The following PRR16 variants were observed in gnomAD, a reference collection of about 807,000 sequenced individuals.
PRR16 encodes the protein proline rich 16, also known as protein Largen.
PRR16 carries 6 observed loss-of-function variants against 18.2 expected under a neutral mutation model. The observed-to-expected ratio is 0.33, with a 90% CI of 0.18 to 0.65. The LOEUF (loss-of-function observed/expected upper bound fraction) is 0.65, where lower values mean the gene tolerates loss of function less well. Ranked by LOEUF, PRR16 falls within the 30% of genes least tolerant of loss-of-function variation. The pLI, the probability that PRR16 is intolerant of heterozygous loss-of-function variation, is 0.74. For missense variants in PRR16, 412 were observed against 376.6 expected (o/e 1.09, Z -0.78); for synonymous variants, 151 against 147.8 (o/e 1.02, Z -0.16).
chr5:120,725,303 T>G, the PRR16 span, among the ~76,000 whole-genome samples: 1 of 11,574 alleles, frequency 8.6e-5, no homozygotes, highest in East Asian at 4.2e-4. Context: ...TTTGATGTTG[T>G]TTTTTTTTTT....
chr5:120,686,007 G>T lies in PRR16; in HGVS notation c.213G>T (p.Met71Ile). 6.2e-7 allele frequency: 1 copy of T among 1,614,078 alleles called. No homozygotes were observed. The highest frequency in any genetic ancestry group is 1.1e-5 in the South Asian group (1 of 91,048). Residue 71 changes from methionine to isoleucine, a missense_variant, in exon 2 of 2, where the codon ATG becomes ATT. Coordinates refer to ENST00000407149, the MANE Select transcript of PRR16 (RefSeq NM_001300783.2). ...LTSDLQLEDE[M>I]TDSSKTDTLN... is the part of the protein sequence containing the mutation. ...CTGACCTACAGCTGGAGGATGAGAT[G>T]ACTGACAGCTCCAAAACGGACACGC...
At chr5:120,755,524 T>A in the PRR16 span, among the ~76,000 whole-genome samples, 1 of 152,110 alleles carries the variant, frequency 6.6e-6, no homozygotes, top group East Asian at 1.9e-4. Flanking sequence ...AGGATAATGA[T>A]CTCTAGCTGT....
chr5:120,608,140 A>G, intron 1 of PRR16, among the ~76,000 whole-genome samples: 1 of 152,166 alleles, frequency 6.6e-6, no homozygotes, highest in Non-Finnish European at 1.5e-5. Context: ...TTTCCTGATA[A>G]TATACCCAGC....
At chr5:120,782,067 A>C in the PRR16 span, among the ~76,000 whole-genome samples, 192 of 152,284 alleles carry the variant, frequency 1.3e-3, no homozygotes, top group African/African-American at 4.4e-3. Context: ...TCTTTCATGC[A>C]CATTGTTCTT....
intron 1 of PRR16, among the ~76,000 whole-genome samples, chr5:120,484,617 A>G (rs1250731432): frequency 2.1e-5 from 3 of 146,242 alleles, no homozygotes; most frequent in African/African-American, 4.9e-5. Context: ...TTATACATAT[A>G]TTGTATATAC....
At chr5:120,773,939 A>G in the PRR16 span, among the ~76,000 whole-genome samples, 32 of 152,206 alleles carry the variant, frequency 2.1e-4, no homozygotes, top group Non-Finnish European at 1.5e-5. Context: ...GGGTATTAAC[A>G]TATTTTTGTA....
intron 1 of PRR16, among the ~76,000 whole-genome samples, chr5:120,611,396 G>C (rs943830436): frequency 6.6e-6 from 1 of 152,138 alleles, no homozygotes; most frequent in Non-Finnish European, 1.5e-5. Context: ...CTATGTCAGA[G>C]ACCTTCACAG....
the PRR16 span, among the ~76,000 whole-genome samples, chr5:120,723,512 T>C: frequency 6.6e-6 from 1 of 152,018 alleles, no homozygotes; most frequent in East Asian, 1.9e-4. Context: ...ATACAAGCAA[T>C]GTGCTGATGT....
chr5:120,677,214 T>G (rs1345701963), intron 1 of PRR16, among the ~76,000 whole-genome samples: 2 of 152,162 alleles, frequency 1.3e-5, no homozygotes, highest in Non-Finnish European at 2.9e-5. Context: ...TAACATTTTA[T>G]ATGAAGTGTG....
chr5:120,676,290 G>T (rs1251889792), intron 1 of PRR16, among the ~76,000 whole-genome samples: 1 of 152,068 alleles, frequency 6.6e-6, no homozygotes, highest in African/African-American at 2.4e-5. Context: ...CAAATAAAAT[G>T]TATTGCTCCT....
At chr5:120,724,486 G>C in the PRR16 span, among the ~76,000 whole-genome samples, 1 of 152,046 alleles carries the variant, frequency 6.6e-6, no homozygotes, top group Non-Finnish European at 1.5e-5. Flanking sequence ...ATAGTGCCTG[G>C]AACATTGTGA....
chr5:120,709,228 C>T, the PRR16 span, among the ~76,000 whole-genome samples: 354 of 151,808 alleles, frequency 2.3e-3, no homozygotes, highest in Middle Eastern at 6.8e-3. Context: ...AGGATGGTCT[C>T]GATCTCCTGA....
the PRR16 span, among the ~76,000 whole-genome samples, chr5:120,745,681 TTTTA>T: frequency 5.3e-5 from 8 of 151,436 alleles, no homozygotes; most frequent in East Asian, 3.9e-4. Flanking sequence ...CTTGTATTTA[TTTTA>T]TTATTTATTT....
intron 1 of PRR16, among the ~76,000 whole-genome samples, chr5:120,496,265 A>T (rs1750242185): frequency 6.6e-6 from 1 of 151,914 alleles, no homozygotes; most frequent in South Asian, 2.1e-4. Flanking sequence ...TCTAGAAAAT[A>T]TTGTATAAAA....
chr5:120,594,067 A>T (rs1753725646), intron 1 of PRR16, among the ~76,000 whole-genome samples: 1 of 152,150 alleles, frequency 6.6e-6, no homozygotes, highest in Admixed American at 6.6e-5. Context: ...CAAAAGCTAG[A>T]AGCATTCCCC....
the PRR16 span, among the ~76,000 whole-genome samples, chr5:120,765,946 C>T: frequency 6.6e-6 from 1 of 151,980 alleles, no homozygotes; most frequent in Non-Finnish European, 1.5e-5. Context: ...GATGGTTATT[C>T]TCACTGCTGT....
At chr5:120,516,152 G>A (rs1203364511) in intron 1 of PRR16, among the ~76,000 whole-genome samples, 1 of 152,082 alleles carries the variant, frequency 6.6e-6, no homozygotes, top group Non-Finnish European at 1.5e-5. Flanking sequence ...AGCTGGTCGT[G>A]GTGGTTTATG....
At chr5:120,640,274 C>T (rs968139477) in intron 1 of PRR16, among the ~76,000 whole-genome samples, 4 of 146,358 alleles carry the variant, frequency 2.7e-5, no homozygotes, top group African/African-American at 7.6e-5. Context: ...AACAAACCTG[C>T]ACGTGTACCC....
chr5:120,765,050 C>T, the PRR16 span, among the ~76,000 whole-genome samples: 2 of 151,960 alleles, frequency 1.3e-5, no homozygotes, highest in South Asian at 4.1e-4. Flanking sequence ...TGAATGATAT[C>T]CTCTGTCTTT....
Sources: allele counts gnomAD v4.1 joint callset (sites outside exome capture counted in the v4.1 genomes callset), GRCh38; gene constraint gnomAD v4.1.1; transcripts MANE v1.5; gene names NCBI Gene and HGNC (gene_info 2026-07-23, HGNC 2026-07-21).